Variants in ZGRF1 observed in about 807,000 individuals in gnomAD.
ZGRF1 encodes the protein zinc finger GRF-type containing 1, also known as 5'-3' DNA helicase ZGRF1.
A neutral mutation model predicts 203.5 loss-of-function variants in ZGRF1; 196 were observed. That is an observed-to-expected ratio of 0.96 (90% confidence interval 0.86 to 1.08). The LOEUF (loss-of-function observed/expected upper bound fraction) is 1.08. ZGRF1 is among the 50% of genes least tolerant of loss of function. The probability of loss-of-function intolerance (pLI) is 0.00; values close to 1 mark genes in which losing one functional copy is unlikely to be tolerated. For missense variants in ZGRF1, 2,326 were observed against 2,416.3 expected (o/e 0.96, Z 0.78); for synonymous variants, 809 against 841.3 (o/e 0.96, Z 0.66).
rs117495858 is a variant in ZGRF1, at chr4:112,571,206, T to C, written c.4439-7932A>G. 7.1e-3 allele frequency among the ~76,000 whole-genome samples: 1,081 copies of C among 151,428 alleles called. 31 individuals are homozygous for C. The East Asian group carries it at 0.093, about 13-fold the overall frequency. On this transcript the variant is annotated intron_variant, in intron 16 of 27. Transcript: ENST00000505019. ...AATTAGCTAAGTATCAAGCTTAAGA[T>C]GTGTAAAAAGAACAGTATACTATCC... is the stretch of plus-strand genomic sequence containing the variant.
chr4:112,618,189 T>G lies in ZGRF1; in HGVS notation c.1853A>C (p.Tyr618Ser), dbSNP rs762346631. Reference sequence around the variant, plus strand: ...ACATATTCCCATGTCAAAACCCACATAAGTTTTATCACAAAACTGTGATGG... The same window carrying G: ...ACATATTCCCATGTCAAAACCCACAGAAGTTTTATCACAAAACTGTGATGG... ...TLPSQFCDKT[Y>S]VGFDMGICKT... The change falls in exon 6 of 28, where the codon TAT becomes TCT. Residue 618 changes from tyrosine (Y) to serine (S), a missense_variant. Coordinates refer to ENST00000505019, the MANE Select transcript of ZGRF1 (RefSeq NM_018392.5). 1.2e-6 allele frequency: 2 copies of G among 1,613,852 alleles called. No homozygotes were observed. Among genetic ancestry groups the G allele is most frequent in the South Asian group, 2.2e-5 (2 of 91,020 alleles).
intron 22 of ZGRF1, among the ~76,000 whole-genome samples, chr4:112,552,296 G>C (rs906028873): frequency 2.6e-5 from 4 of 151,100 alleles, no homozygotes; most frequent in African/African-American, 9.7e-5. Context: ...AAAAAAGAAA[G>C]AAAGAAATGT....
rs746218186 is a variant in ZGRF1 at position 112,617,434 on chromosome 4, T to C, written c.2602+6A>G. ...AAACATTCCAAAATAGACATGCAAT[T>C]CTAACCTTCAGGAGGGCTATCTGGC... On this transcript the variant is annotated splice_donor_region_variant and intron_variant, in intron 6 of 27. Coordinates refer to ENST00000505019, the MANE Select transcript of ZGRF1 (RefSeq NM_018392.5). 3.9e-6 allele frequency: 6 copies of C among 1,526,688 alleles called. No homozygotes were observed. The highest frequency in any genetic ancestry group is 5.3e-6 in the Non-Finnish European group (6 of 1,141,904). The allele number at this position is 1,526,688 out of a possible 1,614,324, so 94.6% of individuals were successfully genotyped here.
intron 24 of ZGRF1, among the ~76,000 whole-genome samples, chr4:112,545,712 G>A (rs1171973934): frequency 1.3e-5 from 2 of 152,138 alleles, no homozygotes; most frequent in Non-Finnish European, 2.9e-5. Flanking sequence ...GAGCCAAAAC[G>A]TGAAAACAAC....
chr4:112,561,911 CTTTTTTTTT>C lies in ZGRF1; in HGVS notation c.4697+451_4697+459del, dbSNP rs11385405. On this transcript the variant is annotated intron_variant, in intron 18 of 27. Transcript: ENST00000505019. ...AAAAATAATGCATAATTCCTTTTCT[CTTTTTTTTT>C]TTTTTTTTTTTTGAGATAGAGTTTC... 2.8e-5 allele frequency among the ~76,000 whole-genome samples: 3 copies of C among 108,172 alleles called. No homozygotes were observed. In the Admixed American group the frequency reaches 3.5e-4, roughly 13 times the overall value. The allele number at this position is 108,172 out of a possible 152,430, so 71.0% of individuals were successfully genotyped here.
At chr4:112,586,303 TA>T in intron 13 of ZGRF1, 141 bp downstream of exon 13, 1 of 598,540 alleles carries the variant, frequency 1.7e-6, no homozygotes, top group Non-Finnish European at 2.7e-6. Flanking sequence ...GAAATTAGAA[TA>T]AAAGTTACTG....
rs1426010790 is a variant in ZGRF1 at position 112,604,861 on chromosome 4, T to A, written c.2802+1147A>T. Among the ~76,000 whole-genome samples, 6 of 152,184 alleles carry A rather than the reference T, an allele frequency of 3.9e-5. No homozygotes were observed. The East Asian group carries it at 1.2e-3, about 29-fold the overall frequency. On this transcript the variant is annotated intron_variant, in intron 9 of 27. Transcript: ENST00000505019. The stretch of plus-strand genomic sequence containing the variant: ...CCCAAAATGTGGAAAAATAAGACTG[T>A]AACAGAGTCAAAGGAATGTAGGTAA...
rs1400508093 is a variant in ZGRF1 at position 112,579,969 on chromosome 4, A to G, written c.4438+1694T>C. Among the ~76,000 whole-genome samples the G allele has an allele frequency of 4.1e-5, 5 of 123,250 alleles. 1 individual carries two copies. Among genetic ancestry groups the G allele is most frequent in the Non-Finnish European group, 9.1e-5 (5 of 55,196 alleles). The allele number at this position is 123,250 out of a possible 152,430, so 80.9% of individuals were successfully genotyped here. On this transcript the variant is annotated intron_variant, in intron 16 of 27. Coordinates refer to ENST00000505019, the MANE Select transcript of ZGRF1 (RefSeq NM_018392.5). ...AAAAAGAGCCCACATTGCTAAGTCG[A>G]TCCTAAGCCAAAAGAACAAAGCTGG...
Position 112,617,537 on chromosome 4 carries a change from G to A in ZGRF1, c.2505C>T (p.His835=), listed in dbSNP as rs1283231436. 6.2e-7 allele frequency: 1 copy of A among 1,613,184 alleles called. No homozygotes were observed. Among genetic ancestry groups the A allele is most frequent in the Non-Finnish European group, 8.5e-7 (1 of 1,179,730 alleles). The change falls in exon 6 of 28, where the codon CAC becomes CAT. Residue 835 remains histidine (H), a synonymous_variant. Coordinates refer to ENST00000505019, the MANE Select transcript of ZGRF1 (RefSeq NM_018392.5). The part of the protein sequence containing the change: ...TISILKSLCE[H]STALDSLEIL... ...TTTCCAAGCTGTCTAAAGCAGTACT[G>A]TGTTCACATAGCGACTTTAAAATAG...
chr4:112,564,892 C>A (rs1578292345), intron 16 of ZGRF1: 2 of 646,448 alleles, frequency 3.1e-6, no homozygotes, highest in East Asian at 5.4e-5. Context: ...TCGCAGCCGC[C>A]ACCGCGCCGC....
intron 10 of ZGRF1, among the ~76,000 whole-genome samples, chr4:112,597,950 C>T (rs944262014): frequency 1.3e-5 from 2 of 150,958 alleles, no homozygotes; most frequent in Admixed American, 1.3e-4. Flanking sequence ...TATCCAAATT[C>T]TACACTAAGT....
chr4:112,615,017 G>A lies in ZGRF1; in HGVS notation c.2602+2423C>T, dbSNP rs55728152. ...TATATTAAATAAGGTTCTTTAAGCA[G>A]AAACATACATAAAACAAGGTTACGT... On this transcript the variant is annotated intron_variant, in intron 6 of 27. Transcript: ENST00000505019. 1.9e-3 allele frequency among the ~76,000 whole-genome samples: 284 copies of A among 152,190 alleles called. 2 individuals carry two copies. Among genetic ancestry groups the A allele is most frequent in the African/African-American group, 6.5e-3 (271 of 41,530 alleles).
At chr4:112,576,613 G>A (rs1030480311) in intron 16 of ZGRF1, among the ~76,000 whole-genome samples, 2 of 152,116 alleles carry the variant, frequency 1.3e-5, no homozygotes, top group South Asian at 2.1e-4. Flanking sequence ...ACCATGGCAC[G>A]AGAACTGCAT....
intron 3 of ZGRF1, chr4:112,628,826 T>G (rs1475235216): frequency 4.6e-6 from 2 of 436,226 alleles, no homozygotes; most frequent in Non-Finnish European, 9.0e-6. Flanking sequence ...CTTTTAAATA[T>G]CTACAAGATT....
chr4:112,578,248 A>G lies in ZGRF1; in HGVS notation c.4438+3415T>C. On this transcript the variant is annotated intron_variant, in intron 16 of 27. Coordinates refer to ENST00000505019, the MANE Select transcript of ZGRF1 (RefSeq NM_018392.5). ...AGAGAACAAAGACACAACATACCAG[A>G]ATCTCTGGGACACATTCAAAGCAGT... is the stretch of plus-strand genomic sequence containing the variant. Among the ~76,000 whole-genome samples, 2 of 122,888 alleles carry G rather than the reference A, an allele frequency of 1.6e-5. 1 individual carries two copies. 80.6% of individuals were successfully genotyped at this position (122,888 alleles called of 152,430 possible). A position where few individuals can be genotyped will look rare whatever the true frequency, so the allele number is the denominator to read the frequency against.
Position 112,633,225 on chromosome 4 carries a change from T to A in ZGRF1, c.-49A>T. 6.8e-7 allele frequency: 1 copy of A among 1,470,732 alleles called. No homozygotes were observed. The highest frequency in any genetic ancestry group is 9.5e-7 in the Non-Finnish European group (1 of 1,055,792). 91.1% of individuals were successfully genotyped at this position (1,470,732 alleles called of 1,614,324 possible). A position where few individuals can be genotyped will look rare whatever the true frequency, so the allele number is the denominator to read the frequency against. ...AGCTGGGTCCAGAAAATAGGAAATA[T>A]TCAACTATTTATACCACCTAAAATT... On this transcript the variant is annotated 5_prime_UTR_variant, in exon 2 of 28. Coordinates refer to ENST00000505019, the MANE Select transcript of ZGRF1 (RefSeq NM_018392.5).
rs561397388 is a variant in ZGRF1 at position 112,542,793 on chromosome 4, TTTC to T, written c.5599-1528_5599-1526del. On this transcript the variant is annotated intron_variant, in intron 24 of 27. Coordinates refer to ENST00000505019, the MANE Select transcript of ZGRF1 (RefSeq NM_018392.5). ...CTTTCTTTCCTTCCTTCCTTCCTTCTTTCTTTTTTCTTTTCTTTTCTTTTTCTT... is the reference window on the plus strand; with the variant it reads ...CTTTCTTTCCTTCCTTCCTTCCTTCTTTTTTTCTTTTCTTTTCTTTTTCTT... 3.1e-3 allele frequency among the ~76,000 whole-genome samples: 470 copies of T among 151,790 alleles called. 1 individual carries two copies. The highest frequency in any genetic ancestry group is 5.5e-3 in the Non-Finnish European group (371 of 67,876).
rs777482492 is a variant in ZGRF1 at position 112,581,702 on chromosome 4, T to C, written c.4399A>G (p.Lys1467Glu). ...YNEPKTKLYL[K>E]LSRKERSSAY... ...GAAGATCTTTCCTTCCGACTTAGCT[T>C]AAGATAAAGTTTGGTTTTTGGTTCA... The change falls in exon 16 of 28, where the codon AAG becomes GAG. Residue 1467 changes from lysine (K) to glutamate (E), a missense_variant. By Grantham distance (56) the Lys-to-Glu change is moderately conservative (BLOSUM62 1). Transcript: ENST00000505019. 135 of 1,583,066 alleles carry C rather than the reference T, an allele frequency of 8.5e-5. No individual in the cohort carries two copies. The highest frequency in any genetic ancestry group is 1.1e-4 in the Non-Finnish European group (131 of 1,168,992).
chr4:112,566,502 AAAAT>A (rs538298338), intron 16 of ZGRF1, among the ~76,000 whole-genome samples: 70 of 151,766 alleles, frequency 4.6e-4, no homozygotes, highest in East Asian at 1.2e-3. Context: ...ATAATAAAAT[AAAAT>A]AAATAAATAA....
Sources: allele counts gnomAD v4.1 joint callset (sites outside exome capture counted in the v4.1 genomes callset), GRCh38; gene constraint gnomAD v4.1.1; transcripts MANE v1.5; gene names NCBI Gene and HGNC (gene_info 2026-07-23, HGNC 2026-07-21).